Variants in CDH4 observed in about 807,000 individuals in gnomAD.
CDH4 encodes cadherin-4.
Under a neutral mutation model 86.0 loss-of-function variants are expected in CDH4, and 33 were observed. The ratio of observed to expected loss-of-function variants is 0.38; its 90% confidence interval spans 0.29 to 0.51. The LOEUF is 0.51. Among genes scored for constraint, CDH4 ranks in the 20% least tolerant of loss-of-function variants. CDH4 has a pLI of 0.86. For synonymous variants in CDH4, 555 were observed against 549.4 expected, an observed-to-expected ratio of 1.01 and a Z score of -0.14; for missense variants, 1,114 against 1,307.4, an observed-to-expected ratio of 0.85 and a Z score of 2.28.
chr20:61,296,267 GTGTGT>G (rs2084352380), intron 2 of CDH4, among the ~76,000 whole-genome samples: 2 of 13,094 alleles, frequency 1.5e-4, no homozygotes, highest in Non-Finnish European at 5.0e-4. Flanking sequence ...GTGTGCGTGT[GTGTGT>G]GTGCGTGGGT....
At chr20:61,914,652 CT>C (rs1351539761) in intron 9 of CDH4, among the ~76,000 whole-genome samples, 2 of 152,164 alleles carry the variant, frequency 1.3e-5, no homozygotes, top group South Asian at 2.1e-4. Context: ...AACATAGCCC[CT>C]GCCTGGTACC....
chr20:61,555,716 C>T (rs950357330), intron 2 of CDH4, among the ~76,000 whole-genome samples: 9 of 152,188 alleles, frequency 5.9e-5, no homozygotes, highest in African/African-American at 1.9e-4. Context: ...GAGTTATGGG[C>T]TCATTAGAGT....
chr20:61,921,051 T>C (rs1282627811), intron 9 of CDH4, among the ~76,000 whole-genome samples: 1 of 146,462 alleles, frequency 6.8e-6, no homozygotes, highest in Non-Finnish European at 1.5e-5. Context: ...TCATGGTGAT[T>C]GCGTGGAAGC....
intron 2 of CDH4, among the ~76,000 whole-genome samples, chr20:61,292,296 G>C (rs1295253453): frequency 6.6e-6 from 1 of 152,226 alleles, no homozygotes; most frequent in Non-Finnish European, 1.5e-5. Context: ...GGAATATTAG[G>C]CAGCCAGTTT....
At chr20:61,558,876 G>A (rs752213404) in intron 2 of CDH4, among the ~76,000 whole-genome samples, 98 of 152,354 alleles carry the variant, frequency 6.4e-4, no homozygotes, top group African/African-American at 2.2e-3. Flanking sequence ...GGCGAGCACC[G>A]TGGGGCCGCT....
At chr20:61,550,760 G>A (rs1379433793) in intron 2 of CDH4, among the ~76,000 whole-genome samples, 2 of 152,196 alleles carry the variant, frequency 1.3e-5, no homozygotes, top group Non-Finnish European at 2.9e-5. Flanking sequence ...GTGCTCTTGT[G>A]TTGCCTTCTG....
chr20:61,587,496 C>G (rs997387714), intron 2 of CDH4, among the ~76,000 whole-genome samples: 22 of 152,150 alleles, frequency 1.4e-4, no homozygotes, highest in Non-Finnish European at 2.9e-4. Context: ...GCTCTTAGTC[C>G]TGGGTCATCC....
intron 2 of CDH4, among the ~76,000 whole-genome samples, chr20:61,308,916 G>T (rs2084431143): frequency 6.6e-6 from 1 of 152,230 alleles, no homozygotes; most frequent in Non-Finnish European, 1.5e-5. Flanking sequence ...CCTGTGGTTT[G>T]CAGGAGAATT....
chr20:61,736,031 C>T (rs558270789), intron 2 of CDH4, among the ~76,000 whole-genome samples: 1 of 152,310 alleles, frequency 6.6e-6, no homozygotes, highest in Non-Finnish European at 1.5e-5. Flanking sequence ...CAGGACACCC[C>T]CTCAGTCCCA....
At chr20:61,380,424 T>C (rs1458431403) in intron 2 of CDH4, among the ~76,000 whole-genome samples, 1 of 152,186 alleles carries the variant, frequency 6.6e-6, no homozygotes, top group African/African-American at 2.4e-5. Context: ...TGTGTATCCA[T>C]ATCCGTGGAC....
At chr20:61,445,631 T>A (rs2145539929) in intron 2 of CDH4, among the ~76,000 whole-genome samples, 1 of 152,278 alleles carries the variant, frequency 6.6e-6, no homozygotes, top group East Asian at 1.9e-4. Flanking sequence ...CCAAGGCCAT[T>A]CTACTTTTAG....
At chr20:61,815,691 C>T (rs796197281) in intron 4 of CDH4, among the ~76,000 whole-genome samples, 5 of 152,344 alleles carry the variant, frequency 3.3e-5, no homozygotes, top group Non-Finnish European at 5.9e-5. Context: ...GTGCTTTCGA[C>T]GCCCGGAGGC....
At chr20:61,825,847 T>C (rs998198119) in intron 4 of CDH4, among the ~76,000 whole-genome samples, 1 of 152,224 alleles carries the variant, frequency 6.6e-6, no homozygotes, top group African/African-American at 2.4e-5. Context: ...CCAAAGTTAA[T>C]GGCAGCTCTG....
chr20:61,719,237 G>A (rs376013927), intron 2 of CDH4: 4 of 403,936 alleles, frequency 9.9e-6, no homozygotes, highest in South Asian at 7.7e-5. Context: ...CTAATACAGA[G>A]AAGGATGCAA....
At position 61,494,176 on chromosome 20, in the gene CDH4, T is replaced by C. The variant is rs147709783; in HGVS notation, c.169+239239T>C. 5.2e-3 allele frequency among the ~76,000 whole-genome samples: 795 copies of C among 152,164 alleles called. 7 individuals carry two copies. The highest frequency in any genetic ancestry group is 7.3e-3 in the Non-Finnish European group (499 of 67,978). On this transcript the variant is annotated intron_variant, in intron 2 of 15. Transcript: ENST00000614565. ...CAAGTTCTGGAGGCTGGGTCCCAGGTTCTGACTTAAAATCACGGCTGCTGT... is the reference window on the plus strand; with the variant it reads ...CAAGTTCTGGAGGCTGGGTCCCAGGCTCTGACTTAAAATCACGGCTGCTGT...
chr20:61,589,620 T>C (rs1028278838), intron 2 of CDH4, among the ~76,000 whole-genome samples: 3 of 152,148 alleles, frequency 2.0e-5, no homozygotes, highest in Non-Finnish European at 4.4e-5. Context: ...CTGTGCCAAG[T>C]AATGTGCTGG....
chr20:61,754,081 G>C lies in CDH4; in HGVS notation c.396+10292G>C, dbSNP rs1289389489. Among the ~76,000 whole-genome samples the C allele has an allele frequency of 1.3e-5, 2 of 152,166 alleles. No homozygotes were observed. Among genetic ancestry groups the C allele is most frequent in the Non-Finnish European group, 2.9e-5 (2 of 68,022 alleles). The stretch of plus-strand genomic sequence containing the variant: ...CTGGGGGATGCCTTCAAAAGCCAAG[G>C]ATCAGGGAAGATTGTGGCACCACCA... On this transcript the variant is annotated intron_variant, in intron 3 of 15. Coordinates refer to ENST00000614565, the MANE Select transcript of CDH4 (RefSeq NM_001794.5). The surrounding 1 kb of genome is among the most constrained non-coding windows in gnomAD (Gnocchi z 4.7).
chr20:61,393,665 T>C lies in CDH4; in HGVS notation c.169+138728T>C, dbSNP rs1409526642. ...GTGGTTGCAGCGAGGATCATCGAAG[T>C]AGACCTGGCTGGGTGAGAGTCACTG... On this transcript the variant is annotated intron_variant, in intron 2 of 15. Transcript: ENST00000614565. This position sits in a 1 kb window ranked among gnomAD's most constrained non-coding sequence, Gnocchi z 4.3. 6.6e-6 allele frequency among the ~76,000 whole-genome samples: 1 copy of C among 152,134 alleles called. No homozygotes were observed. Among genetic ancestry groups the C allele is most frequent in the African/African-American group, 2.4e-5 (1 of 41,428 alleles).
At chr20:61,504,447 G>A (rs1409928321) in intron 2 of CDH4, among the ~76,000 whole-genome samples, 1 of 152,172 alleles carries the variant, frequency 6.6e-6, no homozygotes, top group Non-Finnish European at 1.5e-5. Flanking sequence ...TGTTTGTGGT[G>A]ACATCCTGGG....
Sources: gnomAD v4.1 joint callset for allele counts (sites outside exome capture counted in the v4.1 genomes callset) on GRCh38, gnomAD v4.1.1 for gene constraint, Gnocchi (gnomAD v3.1) non-coding constraint, MANE v1.5 for transcripts, NCBI Gene and HGNC (gene_info 2026-07-23, HGNC 2026-07-21) for gene names.